The following MFAP3 variants were observed in gnomAD, a reference collection of about 807,000 sequenced individuals.
The protein encoded by MFAP3 is microfibril-associated glycoprotein 3.
In MFAP3, 8 loss-of-function variants were observed where a neutral mutation model predicts 20.5. The ratio of observed to expected loss-of-function variants is 0.39; its 90% CI spans 0.23 to 0.70. The LOEUF is 0.70. MFAP3 is among the 30% of genes least tolerant of loss of function. MFAP3 has a pLI of 0.44. For synonymous variants in MFAP3, 140 were observed against 154.0 expected, an observed-to-expected ratio of 0.91 and a Z score of 0.67; for missense variants, 398 against 444.6, an observed-to-expected ratio of 0.90 and a Z score of 0.94.
At chr5:154,043,466 G>A (rs563403045) in intron 1 of MFAP3, among the ~76,000 whole-genome samples, 267 of 151,994 alleles carry the variant, frequency 1.8e-3, no homozygotes, top group Non-Finnish European at 3.1e-3. Context: ...TGGGAGAATC[G>A]CTTGAACCTG....
intron 2 of MFAP3, among the ~76,000 whole-genome samples, chr5:154,052,612 A>G (rs1424128219): frequency 6.6e-6 from 1 of 152,176 alleles, no homozygotes; most frequent in Admixed American, 6.5e-5. Context: ...ATGATTAGTC[A>G]TTTAGCATTT....
chr5:154,045,165 AG>A (rs1259713668), intron 1 of MFAP3, among the ~76,000 whole-genome samples: 1 of 152,084 alleles, frequency 6.6e-6, no homozygotes, highest in Non-Finnish European at 1.5e-5. Context: ...CTGACCCACA[AG>A]GGTCTCAATT....
chr5:154,042,454 G>A (rs953073122), intron 1 of MFAP3, among the ~76,000 whole-genome samples: 1 of 152,202 alleles, frequency 6.6e-6, no homozygotes, highest in Admixed American at 6.5e-5. Flanking sequence ...GTATGTGATA[G>A]CTCCAAGGTA....
chr5:154,049,508 C>G, intron 1 of MFAP3, 49 bp from the exon 2 acceptor site: 1 of 541,658 alleles, frequency 1.8e-6, no homozygotes, highest in Non-Finnish European at 3.3e-6. Flanking sequence ...GCACTTTCAC[C>G]CCATTATGAA....
chr5:154,056,809 T>TA lies in MFAP3; in HGVS notation c.*3097dup, dbSNP rs1481223382. On this transcript the variant is annotated 3_prime_UTR_variant, in exon 3 of 3. Coordinates refer to ENST00000522782, the MANE Select transcript of MFAP3 (RefSeq NM_005927.5). The stretch of plus-strand genomic sequence containing the variant: ...TCCTCCAAATTGTGTATGTATATGT[T>TA]ACGATGGTTTAATTCTTGAGTCAGG... Among the ~76,000 whole-genome samples the TA allele has an allele frequency of 1.3e-5, 2 of 152,228 alleles. No individual in the cohort carries two copies. The highest frequency in any genetic ancestry group is 2.9e-5 in the Non-Finnish European group (2 of 68,038).
Position 154,049,809 on chromosome 5 carries a change from A to G in MFAP3, c.87A>G (p.Gln29=), listed in dbSNP as rs1380877834. 4 of 1,613,696 alleles carry G rather than the reference A, an allele frequency of 2.5e-6. No homozygotes were observed. The highest frequency in any genetic ancestry group is 1.7e-5 in the Admixed American group (1 of 59,976). ...AFVLEDVDFD[Q]MVSLEANRSS... ...TTTTGGAAGATGTGGACTTCGACCA[A>G]ATGGTTTCACTGGAAGCAAATCGTA... Residue 29 remains glutamine, a synonymous_variant, in exon 2 of 3, where the codon CAA becomes CAG. Coordinates refer to ENST00000522782, the MANE Select transcript of MFAP3 (RefSeq NM_005927.5).
intron 1 of MFAP3, among the ~76,000 whole-genome samples, chr5:154,044,720 T>C (rs911159389): frequency 1.3e-5 from 2 of 152,162 alleles, no homozygotes; most frequent in South Asian, 2.1e-4. Flanking sequence ...CTTGGCCACA[T>C]GGGCAGTTTG....
intron 2 of MFAP3, among the ~76,000 whole-genome samples, chr5:154,050,567 GAGAATTAGA>G (rs972744265): frequency 8.7e-5 from 13 of 148,744 alleles, no homozygotes; most frequent in Admixed American, 5.4e-4. Flanking sequence ...TCAGGTCTCA[GAGAATTAGA>G]AGGGCACTAT....
At position 154,054,748 on chromosome 5, in the gene MFAP3, T is replaced by G. The variant is rs1402729544; in HGVS notation, c.*1035T>G. The G allele has an allele frequency of 6.0e-6, 1 of 167,096 alleles. No homozygotes were observed. Among genetic ancestry groups the G allele is most frequent in the Admixed American group, 6.5e-5 (1 of 15,280 alleles). 10.4% of individuals were successfully genotyped at this position (167,096 alleles called of 1,614,324 possible). A position where few individuals can be genotyped will look rare whatever the true frequency, so the allele number is the denominator to read the frequency against. On this transcript the variant is annotated 3_prime_UTR_variant, in exon 3 of 3. Transcript: ENST00000522782. ...CCTCTGTCAACCCTCCTGCCCTTTG[T>G]GGTCTTAGGTATGGTGCTATAGGTT...
intron 1 of MFAP3, among the ~76,000 whole-genome samples, chr5:154,042,765 G>A (rs1046462441): frequency 3.9e-5 from 6 of 151,974 alleles, no homozygotes; most frequent in African/African-American, 1.5e-4. Flanking sequence ...TGGATGAGCT[G>A]TAAATGCAGC....
In MFAP3 at chr5:154,049,832, G is replaced by A. The variant is rs769407854; in HGVS notation, c.110G>A (p.Arg37His). ...FDQMVSLEAN[R>H]SSYNASFPSS... is the part of the protein sequence containing the mutation. ...CAAATGGTTTCACTGGAAGCAAATCGTAGTTCTTACAATGCATCCTTTCCC... is the reference window on the plus strand; with the variant it reads ...CAAATGGTTTCACTGGAAGCAAATCATAGTTCTTACAATGCATCCTTTCCC... Residue 37 changes from arginine to histidine, a missense_variant, in exon 2 of 3, where the codon CGT (arginine) becomes CAT (histidine). Physicochemically the swap from Arg to His is conservative, Grantham distance 29. Transcript: ENST00000522782. 4 of 1,613,558 alleles carry A rather than the reference G, an allele frequency of 2.5e-6. No individual in the cohort carries two copies. Among genetic ancestry groups the A allele is most frequent in the Admixed American group, 1.7e-5 (1 of 59,940 alleles).
intron 1 of MFAP3, among the ~76,000 whole-genome samples, chr5:154,047,930 A>C (rs1773102795): frequency 6.6e-6 from 1 of 152,158 alleles, no homozygotes; most frequent in Non-Finnish European, 1.5e-5. Flanking sequence ...GTACAAAATT[A>C]TGTCCTCCAA....
intron 1 of MFAP3, among the ~76,000 whole-genome samples, chr5:154,048,530 G>A (rs1332870736): frequency 2.0e-5 from 3 of 151,846 alleles, no homozygotes; most frequent in African/African-American, 7.3e-5. Flanking sequence ...AATTATCTTG[G>A]TGCTTTATAA....
Position 154,056,570 on chromosome 5 carries a change from A to G in MFAP3, c.*2857A>G, listed in dbSNP as rs1198753776. Among the ~76,000 whole-genome samples, 4 of 152,220 alleles carry G rather than the reference A, an allele frequency of 2.6e-5. No individual in the cohort carries two copies. Among genetic ancestry groups the G allele is most frequent in the Non-Finnish European group, 5.9e-5 (4 of 68,030 alleles). On this transcript the variant is annotated 3_prime_UTR_variant, in exon 3 of 3. Coordinates refer to ENST00000522782, the MANE Select transcript of MFAP3 (RefSeq NM_005927.5). Reference sequence around the variant, plus strand: ...AGTGGAAAATGCCTTTACAAAATGTATTTAAAATAGCTGTCATCTCATTTG... The same window carrying G: ...AGTGGAAAATGCCTTTACAAAATGTGTTTAAAATAGCTGTCATCTCATTTG...
chr5:154,050,992 A>G (rs1389481592), intron 2 of MFAP3, among the ~76,000 whole-genome samples: 1 of 152,194 alleles, frequency 6.6e-6, no homozygotes, highest in African/African-American at 2.4e-5. Flanking sequence ...GGTTATTCAT[A>G]TTAGGCTGGA....
chr5:154,048,815 G>A (rs1194087536), intron 1 of MFAP3, among the ~76,000 whole-genome samples: 1 of 152,136 alleles, frequency 6.6e-6, no homozygotes, highest in Non-Finnish European at 1.5e-5. Flanking sequence ...TACAGAGTTT[G>A]AGCTAGAAAT....
chr5:154,053,686 T>C lies in MFAP3; in HGVS notation c.1062T>C (p.Asp354=), dbSNP rs1273533248. 1.9e-6 allele frequency: 3 copies of C among 1,612,466 alleles called. No individual in the cohort carries two copies. The highest frequency in any genetic ancestry group is 2.2e-5 in the East Asian group (1 of 44,866). The change falls in exon 3 of 3, where the codon GAT becomes GAC. Residue 354 remains aspartate, a synonymous_variant. Coordinates refer to ENST00000522782, the MANE Select transcript of MFAP3 (RefSeq NM_005927.5). ...GSAESNCNYK[D]GAYENCQL ...CAGAATCTAACTGTAACTACAAAGA[T>C]GGGGCATATGAAAACTGTCAGCTGT...
At chr5:154,048,072 A>G (rs1234538515) in intron 1 of MFAP3, among the ~76,000 whole-genome samples, 6 of 152,214 alleles carry the variant, frequency 3.9e-5, no homozygotes, top group Admixed American at 3.9e-4. Context: ...CTCTTAAAAA[A>G]GAGACTGTAT....
chr5:154,053,973 G>A lies in MFAP3; in HGVS notation c.*260G>A. 2.5e-6 allele frequency: 1 copy of A among 393,488 alleles called. No homozygotes were observed. Among genetic ancestry groups the A allele is most frequent in the Non-Finnish European group, 4.8e-6 (1 of 209,168 alleles). 24.4% of individuals were successfully genotyped at this position (393,488 alleles called of 1,614,324 possible). ...AAGGAGCCCCAGATAAACATGATGGGGAAAAGCACTGAACTAAGAGTCCCA... is the reference window on the plus strand; with the variant it reads ...AAGGAGCCCCAGATAAACATGATGGAGAAAAGCACTGAACTAAGAGTCCCA... On this transcript the variant is annotated 3_prime_UTR_variant, in exon 3 of 3. Coordinates refer to ENST00000522782, the MANE Select transcript of MFAP3 (RefSeq NM_005927.5).
Sources: allele counts gnomAD v4.1 joint callset (sites outside exome capture counted in the v4.1 genomes callset), GRCh38; gene constraint gnomAD v4.1.1; transcripts MANE v1.5; gene names NCBI Gene and HGNC (gene_info 2026-07-23, HGNC 2026-07-21).